ZNF10: variants seen among roughly 807,000 people sequenced by gnomAD.
The protein encoded by ZNF10 is zinc finger protein 10.
ZNF10 carries 8 observed loss-of-function variants against 12.2 expected under a neutral mutation model. The ratio of observed to expected loss-of-function variants is 0.66; its 90% CI spans 0.39 to 1.18. The LOEUF (loss-of-function observed/expected upper bound fraction) is 1.18. Ranked by LOEUF, ZNF10 falls within the 50% of genes most tolerant of loss-of-function variation. The probability of loss-of-function intolerance (pLI) is 0.01; values close to 1 mark genes in which losing one functional copy is unlikely to be tolerated. For missense variants in ZNF10, 603 were observed against 678.9 expected, an observed-to-expected ratio of 0.89 and a Z score of 1.24; for synonymous variants, 229 against 228.2, an observed-to-expected ratio of 1.00 and a Z score of -0.03.
At chr12:133,151,687 C>G in intron 3 of ZNF10, 122 bp from the exon 4 acceptor site, 1 of 590,428 alleles carries the variant, frequency 1.7e-6, no homozygotes, top group Middle Eastern at 4.0e-4. Context: ...CCTCTGTCAA[C>G]TTTAGAGTCC....
intron 4 of ZNF10, among the ~76,000 whole-genome samples, chr12:133,154,566 A>G (rs970153130): frequency 5.3e-5 from 8 of 152,212 alleles, no homozygotes; most frequent in Non-Finnish European, 1.0e-4. Context: ...AGCAAAATGA[A>G]TTCTTCAAAG....
chr12:133,136,299 C>T (rs1191893034), intron 1 of ZNF10, among the ~76,000 whole-genome samples: 1 of 152,190 alleles, frequency 6.6e-6, no homozygotes, highest in African/African-American at 2.4e-5. Context: ...TCTTCCTTCT[C>T]CACTTCCAAA....
rs1349541568 is a variant in ZNF10 at position 133,159,428 on chromosome 12, A to G, written c.*2460A>G. On this transcript the variant is annotated 3_prime_UTR_variant, in exon 5 of 5. Transcript: ENST00000248211. ...TTGTTAATATGGAATAAGCTCAAAT[A>G]TGTCAAAATAAATGTAAAAAATGAG... The G allele has an allele frequency of 1.3e-5, 2 of 152,272 alleles. No homozygotes were observed. The highest frequency in any genetic ancestry group is 2.4e-5 in the African/African-American group (1 of 41,484). The allele number at this position is 152,272 out of a possible 1,614,324, so 9.4% of individuals were successfully genotyped here.
rs1956047091 is a variant in ZNF10 at position 133,157,012 on chromosome 12, A to G, written c.*44A>G. 1 of 1,385,398 alleles carries G rather than the reference A, an allele frequency of 7.2e-7. No individual in the cohort carries two copies. Among genetic ancestry groups the G allele is most frequent in the African/African-American group, 1.5e-5 (1 of 67,900 alleles). 85.8% of individuals were successfully genotyped at this position (1,385,398 alleles called of 1,614,324 possible). ...ACAAAGAGCAATGACTTTATTTTGC[A>G]TTGGAGAACTCCTGGAGATAAGCTG... On this transcript the variant is annotated 3_prime_UTR_variant, in exon 5 of 5. Coordinates refer to ENST00000248211, the MANE Select transcript of ZNF10 (RefSeq NM_015394.5).
In ZNF10 at chr12:133,155,802, C is replaced by T. The variant is rs765801272; in HGVS notation, c.556C>T (p.His186Tyr). Residue 186 changes from histidine to tyrosine, a missense_variant, in exon 5 of 5, where the codon CAT (histidine) becomes TAT (tyrosine). Coordinates refer to ENST00000248211, the MANE Select transcript of ZNF10 (RefSeq NM_015394.5). ...TCAGCTAGTACTGAGAGAGTATTTC[C>T]ATAAACGTGACTCACATACTAAAAG... ...PAQLVLREYF[H>Y]KRDSHTKSLK... 13 of 1,613,784 alleles carry T rather than the reference C, an allele frequency of 8.1e-6. No individual in the cohort carries two copies. The highest frequency in any genetic ancestry group is 1.0e-5 in the Non-Finnish European group (12 of 1,179,896).
rs1291294232 is a variant in ZNF10 at position 133,157,579 on chromosome 12, A to G, written c.*611A>G. The G allele has an allele frequency of 6.6e-6, 1 of 152,240 alleles. No homozygotes were observed. The highest frequency in any genetic ancestry group is 1.5e-5 in the Non-Finnish European group (1 of 68,030). 9.4% of individuals were successfully genotyped at this position (152,240 alleles called of 1,614,324 possible). ...TACATTTGCATGTGGGCAAGAATTG[A>G]AAGTATACAGATAATTGAACAGAAT... is the stretch of plus-strand genomic sequence containing the variant. On this transcript the variant is annotated 3_prime_UTR_variant, in exon 5 of 5. Coordinates refer to ENST00000248211, the MANE Select transcript of ZNF10 (RefSeq NM_015394.5).
At chr12:133,137,591 G>C (rs1215490058) in intron 1 of ZNF10, among the ~76,000 whole-genome samples, 1 of 152,102 alleles carries the variant, frequency 6.6e-6, no homozygotes, top group African/African-American at 2.4e-5. Flanking sequence ...CACCTTCTAT[G>C]CTCCTGTGAG....
chr12:133,133,698 A>T (rs893695432), intron 1 of ZNF10, among the ~76,000 whole-genome samples: 2 of 152,194 alleles, frequency 1.3e-5, no homozygotes, highest in African/African-American at 4.8e-5. Flanking sequence ...AAAAGGGTCC[A>T]GAACGTTGTT....
At chr12:133,144,641 GT>G (rs1246559112) in intron 2 of ZNF10, 116 bp downstream of exon 2, 1 of 1,110,146 alleles carries the variant, frequency 9.0e-7, no homozygotes, top group African/African-American at 1.6e-5. Context: ...TTAGGTTTTT[GT>G]TTTGTTTCCA....
At chr12:133,148,630 C>G (rs1403357830) in intron 2 of ZNF10, among the ~76,000 whole-genome samples, 1 of 151,718 alleles carries the variant, frequency 6.6e-6, no homozygotes, top group Non-Finnish European at 1.5e-5. Flanking sequence ...GTTCTTAATT[C>G]TATGTTGTCT....
Position 133,157,746 on chromosome 12 carries a change from C to T in ZNF10, c.*778C>T, listed in dbSNP as rs867743863. On this transcript the variant is annotated 3_prime_UTR_variant, in exon 5 of 5. Coordinates refer to ENST00000248211, the MANE Select transcript of ZNF10 (RefSeq NM_015394.5). ...CCATCAAAGAAGCTTTTGAGTACCA[C>T]CTGTTAATGAGCTTTCCTATTCTAA... The T allele has an allele frequency of 6.6e-6, 1 of 152,160 alleles. No individual in the cohort carries two copies. Among genetic ancestry groups the T allele is most frequent in the African/African-American group, 2.4e-5 (1 of 41,442 alleles). 9.4% of individuals were successfully genotyped at this position (152,160 alleles called of 1,614,324 possible). A position where few individuals can be genotyped will look rare whatever the true frequency, so the allele number is the denominator to read the frequency against.
chr12:133,156,403 TCAGA>T lies in ZNF10; in HGVS notation c.1162_1165del (p.Gln388AlafsTer12), dbSNP rs766688591. ...GAATGTCCTGAATGTGGGAAATCTTTCAGACAGAGCACACATCTCATTCTGCATC... is the reference window on the plus strand; with the variant it reads ...GAATGTCCTGAATGTGGGAAATCTTTCAGAGCACACATCTCATTCTGCATC... On this transcript the variant is annotated frameshift_variant, in exon 5 of 5. Coordinates refer to ENST00000248211, the MANE Select transcript of ZNF10 (RefSeq NM_015394.5). LOFTEE classifies it low-confidence loss of function (END_TRUNC). 6.2e-7 allele frequency: 1 copy of T among 1,614,032 alleles called. No homozygotes were observed. The highest frequency in any genetic ancestry group is 1.1e-5 in the South Asian group (1 of 91,062).
chr12:133,154,923 T>A (rs1320633304), intron 4 of ZNF10, among the ~76,000 whole-genome samples: 1 of 151,992 alleles, frequency 6.6e-6, no homozygotes, highest in Non-Finnish European at 1.5e-5. Context: ...CTAAAAATAT[T>A]AAAAATTAAC....
At chr12:133,132,845 AAAG>A (rs1210696140) in intron 1 of ZNF10, among the ~76,000 whole-genome samples, 1 of 152,238 alleles carries the variant, frequency 6.6e-6, no homozygotes, top group African/African-American at 2.4e-5. Flanking sequence ...AGCTAAATTA[AAAG>A]AAGTTTACAG....
chr12:133,144,564 C>T (rs1232345072), intron 2 of ZNF10, 39 bp downstream of exon 2: 1 of 1,600,972 alleles, frequency 6.2e-7, no homozygotes, highest in Middle Eastern at 1.7e-4. Context: ...ACTGGGAATT[C>T]CTTTTTGCTT....
At chr12:133,132,922 C>G (rs1955889158) in intron 1 of ZNF10, among the ~76,000 whole-genome samples, 1 of 152,190 alleles carries the variant, frequency 6.6e-6, no homozygotes, top group Non-Finnish European at 1.5e-5. Context: ...CTAATTTTAA[C>G]ACATACCCAT....
chr12:133,137,425 A>C (rs1384951531), intron 1 of ZNF10, among the ~76,000 whole-genome samples: 1 of 152,122 alleles, frequency 6.6e-6, no homozygotes, highest in Non-Finnish European at 1.5e-5. Context: ...CTCTGGCCTA[A>C]ACTATATGCA....
intron 2 of ZNF10, among the ~76,000 whole-genome samples, chr12:133,146,988 A>C (rs898546520): frequency 3.9e-5 from 6 of 152,206 alleles, no homozygotes; most frequent in African/African-American, 1.4e-4. Context: ...CTTTTCCAGA[A>C]GGTCACATAA....
chr12:133,154,645 T>C (rs1956028220), intron 4 of ZNF10, among the ~76,000 whole-genome samples: 1 of 152,248 alleles, frequency 6.6e-6, no homozygotes, highest in South Asian at 2.1e-4. Flanking sequence ...TGGTAACTTT[T>C]GTGCAGTTAC....
Sources: gnomAD v4.1 joint callset for allele counts (sites outside exome capture counted in the v4.1 genomes callset) on GRCh38, gnomAD v4.1.1 for gene constraint, MANE v1.5 for transcripts, NCBI Gene and HGNC (gene_info 2026-07-23, HGNC 2026-07-21) for gene names.